NTRK3: variants seen among roughly 807,000 people sequenced by gnomAD.
The protein encoded by NTRK3 is NT-3 growth factor receptor.
Under a neutral mutation model 91.7 loss-of-function variants are expected in NTRK3, and 24 were observed. The observed-to-expected ratio is 0.26, with a 90% CI of 0.19 to 0.37. The LOEUF (loss-of-function observed/expected upper bound fraction) is 0.37. NTRK3 is among the 10% of genes least tolerant of loss of function. The pLI, the probability that NTRK3 is intolerant of heterozygous loss-of-function variation, is 1.00. For missense variants in NTRK3, 880 were observed against 1,068.9 expected (o/e 0.82, Z 2.46); for synonymous variants, 483 against 404.0 (o/e 1.20, Z -2.34).
chr15:88,159,564 C>T (rs1019543177), intron 5 of NTRK3, among the ~76,000 whole-genome samples: 4 of 152,192 alleles, frequency 2.6e-5, no homozygotes, highest in Non-Finnish European at 5.9e-5. Context: ...TTGTTTTCCC[C>T]ATGGGCAAGT....
chr15:88,180,175 G>C (rs550891632), intron 5 of NTRK3, among the ~76,000 whole-genome samples: 1 of 152,100 alleles, frequency 6.6e-6, no homozygotes. Flanking sequence ...CCCTAGAATA[G>C]CCACTATTAT....
At chr15:87,964,431 T>C (rs2072603936) in intron 14 of NTRK3, among the ~76,000 whole-genome samples, 1 of 151,216 alleles carries the variant, frequency 6.6e-6, no homozygotes. Flanking sequence ...AGTTCATACA[T>C]GCAAACTTTA....
At chr15:88,128,148 C>T (rs975763010) in intron 11 of NTRK3, among the ~76,000 whole-genome samples, 1 of 152,174 alleles carries the variant, frequency 6.6e-6, no homozygotes, top group Non-Finnish European at 1.5e-5. Context: ...ACAGGTTTCC[C>T]TACAGTCCAT....
intron 14 of NTRK3, among the ~76,000 whole-genome samples, chr15:88,009,634 C>T (rs1050679975): frequency 6.6e-6 from 1 of 152,174 alleles, no homozygotes; most frequent in African/African-American, 2.4e-5. Flanking sequence ...GTGCACATGA[C>T]CCTCCTGCTG....
exon 19 of NTRK3, chr15:87,860,779 C>A (rs1385709519): frequency 4.7e-6 from 1 of 211,678 alleles, no homozygotes; most frequent in African/African-American, 2.3e-5. Flanking sequence ...ATGATCAGCA[C>A]TTTCCAGAAG....
chr15:88,112,204 C>A (rs1291245355), intron 13 of NTRK3, among the ~76,000 whole-genome samples: 1 of 152,192 alleles, frequency 6.6e-6, no homozygotes, highest in African/African-American at 2.4e-5. Flanking sequence ...CCATGCTCAG[C>A]CTCTGGTTTC....
At chr15:88,150,043 C>A (rs1028683023) in intron 5 of NTRK3, among the ~76,000 whole-genome samples, 1 of 152,240 alleles carries the variant, frequency 6.6e-6, no homozygotes, top group Non-Finnish European at 1.5e-5. Flanking sequence ...CTCTCCAGTG[C>A]CTCCCTGAAC....
At chr15:88,183,294 GT>G in intron 5 of NTRK3, 123 bp downstream of exon 5, 1 of 925,132 alleles carries the variant, frequency 1.1e-6, no homozygotes, top group Non-Finnish European at 1.8e-6. Flanking sequence ...GCCCAATAAA[GT>G]TCAAAACCTT....
At chr15:87,929,017 T>G in intron 17 of NTRK3, 174 bp downstream of exon 17, 1 of 817,848 alleles carries the variant, frequency 1.2e-6, no homozygotes, top group East Asian at 2.5e-5. Context: ...GAGAACATAA[T>G]AAACAGGTAT....
At chr15:87,992,404 C>A (rs951662220) in intron 14 of NTRK3, among the ~76,000 whole-genome samples, 1 of 152,164 alleles carries the variant, frequency 6.6e-6, no homozygotes, top group African/African-American at 2.4e-5. Context: ...ATCCTTTCAC[C>A]CCCAGCTCAG....
At chr15:88,173,359 C>T (rs117096103) in intron 5 of NTRK3, among the ~76,000 whole-genome samples, 2 of 152,332 alleles carry the variant, frequency 1.3e-5, no homozygotes, top group East Asian at 3.9e-4. Flanking sequence ...GTGCCACCTA[C>T]AGTCATAATC....
rs552575280 is a variant in NTRK3 at position 88,153,700 on chromosome 15, T to TG, written c.396-6298dup. Among the ~76,000 whole-genome samples the TG allele has an allele frequency of 2.6e-5, 4 of 152,168 alleles. No individual in the cohort carries two copies. In the South Asian group the frequency reaches 8.3e-4, roughly 32 times the overall value. ...TAGAGGTTAAGAGGTCCAAGATCAA[T>TG]GGGGCAGCAGATTCAAGGATCCACC... On this transcript the variant is annotated intron_variant, in intron 5 of 18. Transcript: ENST00000394480.
intron 13 of NTRK3, among the ~76,000 whole-genome samples, chr15:88,054,662 C>T (rs1255196658): frequency 1.3e-5 from 2 of 152,086 alleles, no homozygotes; most frequent in African/African-American, 4.8e-5. Context: ...ATGAGGGCAA[C>T]CCCAGAGATG....
intron 13 of NTRK3, among the ~76,000 whole-genome samples, chr15:88,078,075 G>A (rs1335206231): frequency 2.0e-5 from 3 of 152,208 alleles, no homozygotes; most frequent in Non-Finnish European, 4.4e-5. Context: ...AAGAATAGAG[G>A]ACAAACACAT....
chr15:87,900,973 G>A (rs1161191697), intron 17 of NTRK3, among the ~76,000 whole-genome samples: 1 of 152,158 alleles, frequency 6.6e-6, no homozygotes, highest in Non-Finnish European at 1.5e-5. Flanking sequence ...GAGAAGGTTA[G>A]AGCTCTGAGG....
chr15:87,882,795 G>A (rs770913408), intron 17 of NTRK3, among the ~76,000 whole-genome samples: 2 of 151,992 alleles, frequency 1.3e-5, no homozygotes, highest in South Asian at 2.1e-4. Context: ...CTTTCAAACC[G>A]TTTTTTAAAT....
At chr15:87,899,854 C>T (rs557082765) in intron 17 of NTRK3, among the ~76,000 whole-genome samples, 4 of 152,186 alleles carry the variant, frequency 2.6e-5, no homozygotes, top group Non-Finnish European at 5.9e-5. Flanking sequence ...CATCTGTTCA[C>T]TGACTGGCTG....
intron 13 of NTRK3, among the ~76,000 whole-genome samples, chr15:88,097,890 T>C (rs544450228): frequency 6.6e-6 from 1 of 152,354 alleles, no homozygotes; most frequent in Middle Eastern, 3.4e-3. Context: ...GGTGATTTAC[T>C]GTTTTTCTCT....
chr15:88,239,048 G>A (rs552133861), intron 3 of NTRK3, among the ~76,000 whole-genome samples: 2 of 152,334 alleles, frequency 1.3e-5, no homozygotes, highest in Non-Finnish European at 2.9e-5. Context: ...TGAATACAGT[G>A]CTTAACACAC....
Sources: gnomAD v4.1 joint callset for allele counts (sites outside exome capture counted in the v4.1 genomes callset) on GRCh38, gnomAD v4.1.1 for gene constraint, MANE v1.5 for transcripts, NCBI Gene and HGNC (gene_info 2026-07-23, HGNC 2026-07-21) for gene names.